The following ERAP1 variants were observed in gnomAD, a reference collection of about 807,000 sequenced individuals.
The protein encoded by ERAP1 is adipocyte-derived leucine aminopeptidase.
Under a neutral mutation model 103.7 loss-of-function variants are expected in ERAP1, and 86 were observed. That is an observed-to-expected ratio of 0.83 (90% CI 0.70 to 0.99). The LOEUF is 0.99. ERAP1 is among the 50% of genes least tolerant of loss of function. The pLI, the probability that ERAP1 is intolerant of heterozygous loss-of-function variation, is 0.00. For missense variants in ERAP1, 1,009 were observed against 1,128.4 expected, an observed-to-expected ratio of 0.89 and a Z score of 1.52; for synonymous variants, 398 against 402.4, an observed-to-expected ratio of 0.99 and a Z score of 0.13.
downstream of ERAP1, chr5:96,770,478 T>C (rs1402096045): frequency 7.2e-6 from 8 of 1,118,238 alleles, no homozygotes; most frequent in African/African-American, 1.2e-4. Flanking sequence ...GCCTAGTTAA[T>C]TGCTAGATGG....
chr5:96,811,690 G>A (rs180970680), upstream of ERAP1, among the ~76,000 whole-genome samples: 1 of 152,340 alleles, frequency 6.6e-6, no homozygotes, highest in East Asian at 1.9e-4. Context: ...AGCGAGCAAT[G>A]TATGCCAGAT....
At chr5:96,874,841 C>G in the ERAP1 span, among the ~76,000 whole-genome samples, 1 of 152,206 alleles carries the variant, frequency 6.6e-6, no homozygotes, top group Admixed American at 6.5e-5. Flanking sequence ...GCACATGATA[C>G]AAGTCTATGA....
At chr5:96,933,419 A>G in the ERAP1 span, among the ~76,000 whole-genome samples, 1 of 151,642 alleles carries the variant, frequency 6.6e-6, no homozygotes, top group South Asian at 2.1e-4. Flanking sequence ...TTGTATTTTT[A>G]CATGTCTTTA....
At chr5:96,769,461 T>C (rs1384025049) in intron 19 of ERAP1, 1 of 152,032 alleles carries the variant, frequency 6.6e-6, no homozygotes, top group Non-Finnish European at 1.5e-5. Context: ...CTATTTTGTT[T>C]TTTAAATACA....
the ERAP1 span, among the ~76,000 whole-genome samples, chr5:96,827,622 C>G: frequency 6.6e-6 from 1 of 152,074 alleles, no homozygotes; most frequent in African/African-American, 2.4e-5. Context: ...CCGAGATCAC[C>G]CCGCTGCACT....
At chr5:96,807,314 C>G (rs1018424826) in intron 1 of ERAP1, among the ~76,000 whole-genome samples, 1 of 152,218 alleles carries the variant, frequency 6.6e-6, no homozygotes, top group African/African-American at 2.4e-5. Flanking sequence ...AGAACACACA[C>G]GGCCCGCGCA....
chr5:96,902,361 A>T, the ERAP1 span: 7 of 1,577,744 alleles, frequency 4.4e-6, no homozygotes, highest in East Asian at 1.6e-4. Context: ...CAGGTAATGA[A>T]CTAATTAGCC....
the ERAP1 span, among the ~76,000 whole-genome samples, chr5:96,829,329 C>T: frequency 6.6e-6 from 1 of 152,328 alleles, no homozygotes. Flanking sequence ...AAGATCGCAT[C>T]TTACAGCATT....
chr5:96,903,633 A>G, the ERAP1 span: 1 of 1,340,844 alleles, frequency 7.5e-7, no homozygotes. Flanking sequence ...TTCAATATTG[A>G]ATGTTCAACA....
chr5:96,896,594 C>T, the ERAP1 span: 1 of 1,482,228 alleles, frequency 6.7e-7, no homozygotes, highest in Non-Finnish European at 9.1e-7. Context: ...GGTGCCAGTT[C>T]CTGCTACTTG....
the ERAP1 span, chr5:96,902,318 A>T: frequency 6.2e-7 from 1 of 1,612,496 alleles, no homozygotes; most frequent in Non-Finnish European, 8.5e-7. Context: ...AGTTCTTCTA[A>T]TGTGATCCAC....
intron 11 of ERAP1, among the ~76,000 whole-genome samples, chr5:96,787,143 G>T (rs1438608512): frequency 1.3e-5 from 2 of 152,136 alleles, no homozygotes; most frequent in African/African-American, 2.4e-5. Flanking sequence ...TTGCTATAAG[G>T]ATATTTTTAG....
At chr5:96,795,698 G>A (rs1481797569) in intron 4 of ERAP1, among the ~76,000 whole-genome samples, 2 of 152,200 alleles carry the variant, frequency 1.3e-5, no homozygotes, top group East Asian at 3.8e-4. Context: ...GAAACTACAA[G>A]TAAAGTGATC....
At chr5:96,825,871 T>C in the ERAP1 span, among the ~76,000 whole-genome samples, 1 of 151,884 alleles carries the variant, frequency 6.6e-6, no homozygotes, top group Non-Finnish European at 1.5e-5. Flanking sequence ...AAAAAAAAAC[T>C]TGAGTTGGAG....
At chr5:96,832,323 G>T in the ERAP1 span, among the ~76,000 whole-genome samples, 5 of 152,282 alleles carry the variant, frequency 3.3e-5, no homozygotes, top group African/African-American at 1.2e-4. Flanking sequence ...AACCTGACTT[G>T]CCAGTTGTAT....
chr5:96,854,877 A>G, the ERAP1 span, among the ~76,000 whole-genome samples: 7 of 152,168 alleles, frequency 4.6e-5, no homozygotes, highest in Admixed American at 4.6e-4. Flanking sequence ...AGCCTTTTTA[A>G]TCATTAATTT....
At chr5:96,890,373 A>T in the ERAP1 span, among the ~76,000 whole-genome samples, 1 of 152,118 alleles carries the variant, frequency 6.6e-6, no homozygotes, top group Non-Finnish European at 1.5e-5. Context: ...GAATCTAATG[A>T]CACCTCTGAT....
chr5:96,773,175 C>T (rs1363266975), downstream of ERAP1: 4 of 153,766 alleles, frequency 2.6e-5, no homozygotes, highest in Admixed American at 2.6e-4. Flanking sequence ...GCACATATCT[C>T]CTCTTGGGCT....
chr5:96,869,692 T>C, the ERAP1 span, among the ~76,000 whole-genome samples: 1 of 152,178 alleles, frequency 6.6e-6, no homozygotes, highest in African/African-American at 2.4e-5. Context: ...AGCCTAAACA[T>C]AAGTCTAGTG....
Sources: allele counts gnomAD v4.1 joint callset (sites outside exome capture counted in the v4.1 genomes callset), GRCh38; gene constraint gnomAD v4.1.1; transcripts MANE v1.5; gene names NCBI Gene and HGNC (gene_info 2026-07-23, HGNC 2026-07-21).